The following MAPK8IP2 variants were observed in gnomAD, a reference collection of about 807,000 sequenced individuals.
MAPK8IP2 encodes the protein mitogen-activated protein kinase 8 interacting protein 2, also known as C-Jun-amino-terminal kinase-interacting protein 2.
MAPK8IP2 carries 15 observed loss-of-function variants against 75.6 expected under a neutral mutation model. That is an observed-to-expected ratio of 0.20 (90% CI 0.13 to 0.31). The LOEUF (loss-of-function observed/expected upper bound fraction) is 0.31, where lower values mean the gene tolerates loss of function less well. Among genes scored for constraint, MAPK8IP2 ranks in the 10% least tolerant of loss-of-function variants. The probability of loss-of-function intolerance (pLI) is 1.00; values close to 1 mark genes in which losing one functional copy is unlikely to be tolerated. For synonymous variants in MAPK8IP2, 632 were observed against 554.5 expected (o/e 1.14, Z -1.96); for missense variants, 1,089 against 1,211.2 (o/e 0.90, Z 1.50).
rs555267913 is a variant in MAPK8IP2 at position 50,610,325 on chromosome 22, A to G, written c.2402+15A>G. 3.0e-5 allele frequency: 47 copies of G among 1,587,790 alleles called. No homozygotes were observed. In the African/African-American group the frequency reaches 5.0e-4, roughly 17 times the overall value. On this transcript the variant is annotated intron_variant, in intron 11 of 11. Transcript: ENST00000329492. This position sits in a 1 kb window ranked among gnomAD's most constrained non-coding sequence, Gnocchi z 4.3. ...CAGAGTGTGGGGTGAGTGGGGCCCC[A>G]GGGTGTGGGTGCAGAATGGGTGCAG...
In MAPK8IP2 at chr22:50,604,286, C is replaced by T. The variant is rs1427367567; in HGVS notation, c.987C>T (p.Ser329=). The part of the protein sequence containing the change: ...FLPVGPDDTN[S]EYESGSESEP... The stretch of plus-strand genomic sequence containing the variant: ...CCGTGGGCCCCGACGACACCAACAG[C>T]GAGTACGAGTCGGGGTCGGAGTCGG... The change falls in exon 5 of 12, where the codon AGC becomes AGT. Residue 329 remains serine, a synonymous_variant. Transcript: ENST00000329492. 7.0e-6 allele frequency: 11 copies of T among 1,566,216 alleles called. No individual in the cohort carries two copies. The highest frequency in any genetic ancestry group is 1.2e-5 in the South Asian group (1 of 86,812).
chr22:50,605,288 C>T (rs1234836931), intron 5 of MAPK8IP2, 80 bp from the exon 6 acceptor site: 3 of 1,400,414 alleles, frequency 2.1e-6, no homozygotes, highest in Non-Finnish European at 3.0e-6. Context: ...GACTTGGCCT[C>T]TGCCCAAGGC....
In MAPK8IP2 at chr22:50,605,834, G is replaced by A. The variant is rs747349402; in HGVS notation, c.2024G>A (p.Arg675Gln). ...GTGCCCCGCTCCCCAGGGAGTAAGC[G>A]GAGCCCCTGCTGGGTGGAGCGCTTT... Reference protein sequence around the residue: ...GPAKDLLGSKRSPCWVERFDV... With the variant: ...GPAKDLLGSKQSPCWVERFDV... Residue 675 changes from arginine to glutamine, a missense_variant, in exon 8 of 12, where the codon CGG becomes CAG. By Grantham distance (43) the Arg-to-Gln change is conservative. Coordinates refer to ENST00000329492, the MANE Select transcript of MAPK8IP2 (RefSeq NM_012324.6). 2.1e-5 allele frequency: 33 copies of A among 1,588,120 alleles called. No individual in the cohort carries two copies. Among genetic ancestry groups the A allele is most frequent in the Admixed American group, 1.6e-4 (9 of 55,710 alleles).
intron 9 of MAPK8IP2, 51 bp from the exon 10 acceptor site, chr22:50,606,870 G>T: frequency 1.3e-6 from 2 of 1,595,340 alleles, no homozygotes; most frequent in Non-Finnish European, 1.7e-6. Flanking sequence ...GGAGGCAGGG[G>T]TGGCGCCAGG....
In MAPK8IP2 at chr22:50,603,667, G is replaced by A. The variant is rs1026671772; in HGVS notation, c.489G>A (p.Pro163=). The A allele has an allele frequency of 8.2e-6, 13 of 1,591,332 alleles. No individual in the cohort carries two copies. In the Admixed American group the frequency reaches 1.2e-4, roughly 15 times the overall value. The part of the protein sequence containing the change: ...NNNGGFDLVR[P]ASWQETALCS... ...ACGGAGGCTTTGACCTGGTGCGTCC[G>A]GCCTCCTGGCAGGAGACAGCGCTAT... The change falls in exon 4 of 12, where the codon CCG becomes CCA. Residue 163 remains proline, a synonymous_variant. Transcript: ENST00000329492.
intron 5 of MAPK8IP2, 45 bp from the exon 6 acceptor site, chr22:50,605,321 ACT>A (rs1207033370): frequency 3.2e-6 from 5 of 1,570,040 alleles, no homozygotes; most frequent in African/African-American, 1.4e-5. Context: ...CACTACTCTG[ACT>A]CTGTCTCCCT....
chr22:50,602,704 G>A (rs902536379), intron 2 of MAPK8IP2, among the ~76,000 whole-genome samples: 8 of 152,210 alleles, frequency 5.3e-5, no homozygotes, highest in African/African-American at 1.9e-4. Context: ...TGGCCCTGGG[G>A]TTGGCGCAAA....
At chr22:50,606,337 TG>T (rs2146688037) in intron 8 of MAPK8IP2, among the ~76,000 whole-genome samples, 1 of 53,012 alleles carries the variant, frequency 1.9e-5, no homozygotes, top group Admixed American at 1.9e-4. Flanking sequence ...AGGCTGAGGC[TG>T]GGGGGCAGTA....
chr22:50,610,921 A>C lies in MAPK8IP2; in HGVS notation c.*142A>C. The C allele has an allele frequency of 7.6e-6, 5 of 654,760 alleles. No individual in the cohort carries two copies. Among genetic ancestry groups the C allele is most frequent in the East Asian group, 3.1e-5 (1 of 31,974 alleles). The allele number at this position is 654,760 out of a possible 1,614,324, so 40.6% of individuals were successfully genotyped here. ...GCTTGTGGGGGTCTGCGGGCTGGGA[A>C]CTCTCGTCCTCGGTCCCCAGGGCGC... is the stretch of plus-strand genomic sequence containing the variant. On this transcript the variant is annotated 3_prime_UTR_variant, in exon 12 of 12. Transcript: ENST00000329492. This position sits in a 1 kb window ranked among gnomAD's most constrained non-coding sequence, Gnocchi z 4.3.
At position 50,604,934 on chromosome 22, in the gene MAPK8IP2, CGAG is replaced by C. The variant is rs2071020814; in HGVS notation, c.1643_1645del (p.Glu548del). ...AAGAGGACAGCGGCGGGGAGGCCAG[CGAG>C]GAGGAGGCGGGCGCGGCGCTGCTAG... On this transcript the variant is annotated inframe_deletion, in exon 5 of 12. Coordinates refer to ENST00000329492, the MANE Select transcript of MAPK8IP2 (RefSeq NM_012324.6). 2.5e-6 allele frequency: 4 copies of C among 1,609,120 alleles called. No homozygotes were observed. Among genetic ancestry groups the C allele is most frequent in the Non-Finnish European group, 3.4e-6 (4 of 1,178,526 alleles).
chr22:50,600,853 C>T lies in MAPK8IP2; in HGVS notation c.35C>T (p.Thr12Ile). 7.6e-7 allele frequency: 1 copy of T among 1,310,466 alleles called. No individual in the cohort carries two copies. The highest frequency in any genetic ancestry group is 1.0e-6 in the Non-Finnish European group (1 of 1,003,898). 81.2% of individuals were successfully genotyped at this position (1,310,466 alleles called of 1,614,324 possible). A position where few individuals can be genotyped will look rare whatever the true frequency, so the allele number is the denominator to read the frequency against. ...ADRAEMFSLS[T>I]FHSLSPPGCR... The stretch of plus-strand genomic sequence containing the variant: ...CGCGCGGAGATGTTTTCTCTCTCCA[C>T]CTTCCACTCGCTGTCGCCGCCGGGC... Residue 12 changes from threonine (T) to isoleucine (I), a missense_variant, in exon 1 of 12, where the codon ACC (threonine) becomes ATC (isoleucine). Thr to Ile is a moderately conservative substitution (Grantham distance 89). This residue lies in a region of MAPK8IP2 where 960 missense variants were observed against 1,009.6 expected (regional missense o/e 0.95). Transcript: ENST00000329492.
Position 50,604,359 on chromosome 22 carries a change from C to G in MAPK8IP2, c.1060C>G (p.Leu354Val). 1 of 1,533,580 alleles carries G rather than the reference C, an allele frequency of 6.5e-7. No homozygotes were observed. The highest frequency in any genetic ancestry group is 8.7e-7 in the Non-Finnish European group (1 of 1,145,704). The allele number at this position is 1,533,580 out of a possible 1,614,324, so 95.0% of individuals were successfully genotyped here. ...GGACTCGCCCTGGCTGCTCAGCAACCTGGTGAGCCGCATGATCTCCGAGGG... is the reference window on the plus strand; with the variant it reads ...GGACTCGCCCTGGCTGCTCAGCAACGTGGTGAGCCGCATGATCTCCGAGGG... ...DADSPWLLSN[L>V]VSRMISEGSS... Residue 354 changes from leucine to valine, a missense_variant, in exon 5 of 12, where the codon CTG (leucine) becomes GTG (valine). Coordinates refer to ENST00000329492, the MANE Select transcript of MAPK8IP2 (RefSeq NM_012324.6).
chr22:50,609,639 T>C (rs1404925798), intron 10 of MAPK8IP2: 1 of 415,624 alleles, frequency 2.4e-6, no homozygotes, highest in Non-Finnish European at 4.9e-6. Flanking sequence ...GAACTCTGCC[T>C]GCCTCTCCCT....
rs1038116327 is a variant in MAPK8IP2 at position 50,605,033 on chromosome 22, T to C, written c.1734T>C (p.Asn578=). 7.4e-6 allele frequency: 12 copies of C among 1,612,212 alleles called. No homozygotes were observed. Among genetic ancestry groups the C allele is most frequent in the Non-Finnish European group, 6.8e-6 (8 of 1,179,744 alleles). Residue 578 remains asparagine, a synonymous_variant, in exon 5 of 12, where the codon AAT becomes AAC. Coordinates refer to ENST00000329492, the MANE Select transcript of MAPK8IP2 (RefSeq NM_012324.6). ...PDLTFSKKFL[N]VFVNSTSRSS... Reference sequence around the variant, plus strand: ...TCACTTTCTCCAAGAAGTTCCTCAATGTCTTCGTCAACAGCACATCTCGGT... The same window carrying C: ...TCACTTTCTCCAAGAAGTTCCTCAACGTCTTCGTCAACAGCACATCTCGGT...
intron 2 of MAPK8IP2, 175 bp from the exon 3 acceptor site, chr22:50,603,048 T>A: frequency 7.2e-7 from 1 of 1,382,482 alleles, no homozygotes; most frequent in Non-Finnish European, 9.7e-7. Context: ...ACTGGAGTGA[T>A]CCCAATGTGT....
At chr22:50,606,069 A>C in intron 8 of MAPK8IP2, 135 bp downstream of exon 8, 1 of 745,094 alleles carries the variant, frequency 1.3e-6, no homozygotes, top group Non-Finnish European at 2.2e-6. Flanking sequence ...GGGATGCTGC[A>C]GGGGGAGCTC....
chr22:50,607,719 C>T lies in MAPK8IP2; in HGVS notation c.2303+728C>T, dbSNP rs961560908. On this transcript the variant is annotated intron_variant, in intron 10 of 11. Coordinates refer to ENST00000329492, the MANE Select transcript of MAPK8IP2 (RefSeq NM_012324.6). The surrounding 1 kb of genome is among the most constrained non-coding windows in gnomAD (Gnocchi z 5.6). Reference sequence around the variant, plus strand: ...GCAGCCCACACACCGAGAGGGGATGCGGGATCAATCACAAACGGTGAGACT... The same window carrying T: ...GCAGCCCACACACCGAGAGGGGATGTGGGATCAATCACAAACGGTGAGACT... Among the ~76,000 whole-genome samples the T allele has an allele frequency of 4.0e-4, 60 of 151,820 alleles. No homozygotes were observed. Among genetic ancestry groups the T allele is most frequent in the African/African-American group, 1.3e-3 (53 of 41,284 alleles).
At chr22:50,601,603 G>A in intron 1 of MAPK8IP2, 186 bp from the exon 2 acceptor site, 1 of 575,742 alleles carries the variant, frequency 1.7e-6, no homozygotes, top group South Asian at 2.0e-5. Flanking sequence ...TGGCTCAGAT[G>A]GGGGAGGGGA....
In MAPK8IP2 at chr22:50,609,975, C is replaced by T. The variant is rs1603444461; in HGVS notation, c.2304-237C>T. The T allele has an allele frequency of 4.3e-6, 3 of 701,444 alleles. No individual in the cohort carries two copies. In the African/African-American group the frequency reaches 5.2e-5, roughly 12 times the overall value. 43.5% of individuals were successfully genotyped at this position (701,444 alleles called of 1,614,324 possible). A position where few individuals can be genotyped will look rare whatever the true frequency, so the allele number is the denominator to read the frequency against. ...CGGCTCAGAGAAGGGAGAGTGGACG[C>T]CCCTGGTCATCATGGAATTAACTCA... On this transcript the variant is annotated intron_variant, in intron 10 of 11. Coordinates refer to ENST00000329492, the MANE Select transcript of MAPK8IP2 (RefSeq NM_012324.6).
Sources: gnomAD v4.1 joint callset for allele counts (sites outside exome capture counted in the v4.1 genomes callset) on GRCh38, gnomAD v4.1.1 for gene constraint, gnomAD v4.1.1 regional missense constraint, Gnocchi (gnomAD v3.1) non-coding constraint, MANE v1.5 for transcripts, NCBI Gene and HGNC (gene_info 2026-07-23, HGNC 2026-07-21) for gene names.